Variants in KANSL1L observed in about 807,000 individuals in gnomAD.
The protein encoded by KANSL1L is KAT8 regulatory NSL complex subunit 1 like.
KANSL1L carries 25 observed loss-of-function variants against 108.6 expected under a neutral mutation model. That is an observed-to-expected ratio of 0.23 (90% confidence interval 0.17 to 0.32). The LOEUF is 0.32. Among genes scored for constraint, KANSL1L ranks in the 10% least tolerant of loss-of-function variants. KANSL1L has a pLI of 1.00. For synonymous variants in KANSL1L, 405 were observed against 395.1 expected, an observed-to-expected ratio of 1.03 and a Z score of -0.30; for missense variants, 1,137 against 1,125.7, an observed-to-expected ratio of 1.01 and a Z score of -0.14.
At chr2:210,124,256 C>A (rs1272433677) in intron 3 of KANSL1L, among the ~76,000 whole-genome samples, 2 of 151,852 alleles carry the variant, frequency 1.3e-5, no homozygotes, top group African/African-American at 4.8e-5. Context: ...ATATGTTAGG[C>A]CAAATATTAT....
chr2:210,160,093 A>G (rs1472088132), intron 1 of KANSL1L, among the ~76,000 whole-genome samples: 3 of 152,238 alleles, frequency 2.0e-5, no homozygotes, highest in African/African-American at 7.2e-5. Context: ...GAGAAACCAT[A>G]TGATGTCAAT....
intron 6 of KANSL1L, among the ~76,000 whole-genome samples, chr2:210,058,042 A>G (rs536229223): frequency 6.6e-6 from 1 of 152,300 alleles, no homozygotes; most frequent in Non-Finnish European, 1.5e-5. Flanking sequence ...GATAACCTTA[A>G]ACTCTGACTG....
chr2:210,042,404 G>T (rs1317065757), intron 7 of KANSL1L, among the ~76,000 whole-genome samples: 1 of 152,174 alleles, frequency 6.6e-6, no homozygotes, highest in African/African-American at 2.4e-5. Flanking sequence ...GGGGGCATAA[G>T]AGTCTTAGGA....
intron 4 of KANSL1L, 187 bp downstream of exon 4, chr2:210,103,917 T>G (rs1575536031): frequency 5.6e-6 from 2 of 359,710 alleles, no homozygotes; most frequent in Non-Finnish European, 9.8e-6. Flanking sequence ...TTAAATAATT[T>G]AAATTATATT....
chr2:210,024,739 G>A (rs1481147844), intron 13 of KANSL1L, among the ~76,000 whole-genome samples: 1 of 151,936 alleles, frequency 6.6e-6, no homozygotes, highest in African/African-American at 2.4e-5. Flanking sequence ...AACATATTTT[G>A]GAAGTAGTGA....
chr2:210,025,773 G>GT (rs1468749664), intron 12 of KANSL1L, among the ~76,000 whole-genome samples: 2 of 152,064 alleles, frequency 1.3e-5, no homozygotes, highest in Non-Finnish European at 2.9e-5. Flanking sequence ...TGAGTGCAGT[G>GT]GTGCAGTCAT....
chr2:210,125,452 T>C (rs2095057926), intron 3 of KANSL1L, among the ~76,000 whole-genome samples: 1 of 152,134 alleles, frequency 6.6e-6, no homozygotes. Context: ...AAGGAACACT[T>C]CTTAATTCAT....
At chr2:210,159,780 G>A (rs780566138) in intron 1 of KANSL1L, among the ~76,000 whole-genome samples, 1 of 152,158 alleles carries the variant, frequency 6.6e-6, no homozygotes, top group African/African-American at 2.4e-5. Flanking sequence ...GGCCGGGCGC[G>A]GTGGCTCACG....
At chr2:210,047,424 T>G (rs1181013637) in intron 6 of KANSL1L, among the ~76,000 whole-genome samples, 1 of 152,154 alleles carries the variant, frequency 6.6e-6, no homozygotes, top group East Asian at 1.9e-4. Flanking sequence ...ATTTCTACCT[T>G]CCACAAGACA....
chr2:210,118,406 G>A (rs116400538), intron 3 of KANSL1L, among the ~76,000 whole-genome samples: 5,097 of 138,444 alleles, frequency 0.037, 137 homozygotes, highest in Admixed American at 0.067. Flanking sequence ...GGTGGAGGTC[G>A]CACTGTGAGC....
At chr2:210,027,772 A>G (rs747206519) in intron 11 of KANSL1L, among the ~76,000 whole-genome samples, 1 of 152,210 alleles carries the variant, frequency 6.6e-6, no homozygotes, top group Admixed American at 6.5e-5. Context: ...GAAGTCTTCT[A>G]TATTTAACTA....
chr2:210,028,843 AC>A lies in KANSL1L; in HGVS notation c.2396+1del. ...AAAATATGAAGATGTAAGTATACAT[AC>A]CTTGGAGTAAGTATTTCCTTATATT... On this transcript the variant is annotated splice_donor_variant, in intron 11 of 14. Coordinates refer to ENST00000281772, the MANE Select transcript of KANSL1L (RefSeq NM_152519.4). LOFTEE classifies it high-confidence loss of function. 6.3e-7 allele frequency: 1 copy of A among 1,577,478 alleles called. No homozygotes were observed. The highest frequency in any genetic ancestry group is 8.7e-7 in the Non-Finnish European group (1 of 1,154,714).
chr2:210,124,277 A>G (rs1338617102), intron 3 of KANSL1L, among the ~76,000 whole-genome samples: 1 of 152,194 alleles, frequency 6.6e-6, no homozygotes, highest in Non-Finnish European at 1.5e-5. Context: ...ATCTCAACAG[A>G]TATAAAAAGA....
intron 2 of KANSL1L, among the ~76,000 whole-genome samples, chr2:210,131,889 G>GT (rs1398899869): frequency 6.6e-6 from 1 of 151,704 alleles, no homozygotes; most frequent in Non-Finnish European, 1.5e-5. Context: ...TAGACACGGG[G>GT]TTTCACTACG....
rs1470032920 is a variant in KANSL1L, at chr2:210,153,807, T to C, written c.776A>G (p.Gln259Arg). Reference sequence around the variant, plus strand: ...ATGTTTCATAGACAATTTCATCTGCTGACCATAGTGCTTAACAACATGCTT... The same window carrying C: ...ATGTTTCATAGACAATTTCATCTGCCGACCATAGTGCTTAACAACATGCTT... ...LAKHVVKHYG[Q>R]QMKLSMKHQL... The change falls in exon 2 of 15, where the codon CAG (glutamine) becomes CGG (arginine). Residue 259 changes from glutamine (Q) to arginine (R), a missense_variant. Transcript: ENST00000281772. 3.7e-6 allele frequency: 6 copies of C among 1,613,320 alleles called. No individual in the cohort carries two copies. The highest frequency in any genetic ancestry group is 5.1e-6 in the Non-Finnish European group (6 of 1,179,862).
intron 3 of KANSL1L, among the ~76,000 whole-genome samples, chr2:210,105,535 T>G (rs922062064): frequency 2.0e-5 from 3 of 151,640 alleles, no homozygotes; most frequent in Admixed American, 2.0e-4. Context: ...AATTAAATGA[T>G]TGCTGTGGGC....
chr2:210,127,884 C>T (rs896316600), intron 3 of KANSL1L, among the ~76,000 whole-genome samples: 9 of 143,664 alleles, frequency 6.3e-5, no homozygotes, highest in Admixed American at 5.6e-4. Flanking sequence ...TTAATATCTA[C>T]TATATATTGA....
intron 1 of KANSL1L, among the ~76,000 whole-genome samples, chr2:210,156,672 C>T (rs1282568956): frequency 6.6e-6 from 1 of 151,898 alleles, no homozygotes; most frequent in African/African-American, 2.4e-5. Context: ...CAGAAAAATA[C>T]CTACCAAACT....
chr2:210,132,828 C>T (rs972415252), intron 2 of KANSL1L, among the ~76,000 whole-genome samples: 4 of 152,142 alleles, frequency 2.6e-5, no homozygotes, highest in Admixed American at 1.3e-4. Context: ...CCTCATAAAA[C>T]GAGAAGTCTT....
Sources: gnomAD v4.1 joint callset for allele counts (sites outside exome capture counted in the v4.1 genomes callset) on GRCh38, gnomAD v4.1.1 for gene constraint, MANE v1.5 for transcripts, NCBI Gene and HGNC (gene_info 2026-07-23, HGNC 2026-07-21) for gene names.